Variants in AFDN observed in about 807,000 individuals in gnomAD.
AFDN encodes afadin.
AFDN carries 68 observed loss-of-function variants against 216.6 expected under a neutral mutation model. That is an observed-to-expected ratio of 0.31 (90% confidence interval 0.26 to 0.38). The LOEUF is 0.38. Among genes scored for constraint, AFDN ranks in the 10% least tolerant of loss-of-function variants. The probability of loss-of-function intolerance (pLI) is 1.00; values close to 1 mark genes in which losing one functional copy is unlikely to be tolerated. For synonymous variants in AFDN, 868 were observed against 853.7 expected (o/e 1.02, Z -0.29); for missense variants, 2,136 against 2,342.0 (o/e 0.91, Z 1.82).
chr6:167,876,393 G>A (rs1274323478), intron 5 of AFDN, among the ~76,000 whole-genome samples: 1 of 152,056 alleles, frequency 6.6e-6, no homozygotes, highest in African/African-American at 2.4e-5. Context: ...ATTTTGTCTT[G>A]TTCTGTCAAG....
At chr6:167,868,795 C>T (rs1784478222) in intron 2 of AFDN, among the ~76,000 whole-genome samples, 1 of 139,944 alleles carries the variant, frequency 7.1e-6, no homozygotes, top group Non-Finnish European at 1.5e-5. Context: ...CAGGGTCTCA[C>T]TTTGTCACCC....
chr6:167,867,422 T>C (rs1430900111), intron 2 of AFDN, among the ~76,000 whole-genome samples: 1 of 151,858 alleles, frequency 6.6e-6, no homozygotes, highest in African/African-American at 2.4e-5. Context: ...CTAATTCTTT[T>C]TTTTCTTTTC....
chr6:167,961,563 C>CTTAAA (rs1375837281), intron 30 of AFDN, among the ~76,000 whole-genome samples: 1 of 151,968 alleles, frequency 6.6e-6, no homozygotes, highest in Non-Finnish European at 1.5e-5. Flanking sequence ...GAAGGACATC[C>CTTAAA]TTAAGTATTT....
Position 167,898,332 on chromosome 6 carries a change from T to G in AFDN, c.1445T>G (p.Met482Arg). 1 of 1,614,164 alleles carries G rather than the reference T, an allele frequency of 6.2e-7. No individual in the cohort carries two copies. The highest frequency in any genetic ancestry group is 2.2e-5 in the East Asian group (1 of 44,874). ...VEGQRISETT[M>R]LQSGMKVQFG... Reference sequence around the variant, plus strand: ...GGCCAGCGCATCTCAGAAACCACCATGCTGCAGAGTGGCATGAAAGTGCAG... The same window carrying G: ...GGCCAGCGCATCTCAGAAACCACCAGGCTGCAGAGTGGCATGAAAGTGCAG... Residue 482 changes from methionine to arginine, a missense_variant, in exon 11 of 34, where the codon ATG becomes AGG. Met to Arg is a moderately conservative substitution (Grantham distance 91). This residue lies in a region of AFDN where 817 missense variants were observed against 965.7 expected (regional missense o/e 0.85). Transcript: ENST00000683244.
Position 167,917,122 on chromosome 6 carries a change from C to G in AFDN, c.2599C>G (p.Pro867Ala). 1 of 1,613,358 alleles carries G rather than the reference C, an allele frequency of 6.2e-7. No individual in the cohort carries two copies. The highest frequency in any genetic ancestry group is 8.5e-7 in the Non-Finnish European group (1 of 1,179,732). ...TTLLTMDKYA[P>A]DDIPNINSTC... ...TTTGCTTACCATGGATAAGTATGCA[C>G]CTGATGACATTCCAAATATAAACAG... Residue 867 changes from proline (P) to alanine (A), a missense_variant, in exon 20 of 34, where the codon CCT (proline) becomes GCT (alanine). Pro to Ala is a conservative substitution (Grantham distance 27, BLOSUM62 -1). Transcript: ENST00000683244.
At chr6:167,834,824 T>A (rs946284804) in intron 1 of AFDN, among the ~76,000 whole-genome samples, 8 of 151,146 alleles carry the variant, frequency 5.3e-5, no homozygotes, top group African/African-American at 1.7e-4. Flanking sequence ...TACCAAAATT[T>A]AAAAAAAAAT....
intron 1 of AFDN, among the ~76,000 whole-genome samples, chr6:167,828,512 T>C (rs1027454924): frequency 3.9e-5 from 6 of 152,236 alleles, no homozygotes; most frequent in African/African-American, 1.4e-4. Flanking sequence ...AATTTGAGCA[T>C]AGATGTTATG....
chr6:167,875,289 A>G (rs373761806), intron 4 of AFDN, 46 bp from the exon 5 acceptor site: 28 of 1,571,096 alleles, frequency 1.8e-5, no homozygotes, highest in Non-Finnish European at 2.3e-5. Flanking sequence ...TATTTCTAAT[A>G]AGAAAACAGT....
At chr6:167,943,909 T>TCTTTCTTA in intron 25 of AFDN, 32 bp from the exon 26 acceptor site, 1 of 1,587,970 alleles carries the variant, frequency 6.3e-7, no homozygotes, top group Non-Finnish European at 8.6e-7. Context: ...TGCGTTTTAG[T>TCTTTCTTA]CTTTCTTACA....
At chr6:167,897,826 C>T (rs1006324852) in intron 10 of AFDN, among the ~76,000 whole-genome samples, 9 of 151,546 alleles carry the variant, frequency 5.9e-5, no homozygotes, top group East Asian at 1.9e-4. Context: ...TTGTATTTTT[C>T]GTAGAGACGG....
At position 167,965,950 on chromosome 6, in the gene AFDN, A is replaced by T. The variant is rs1270215511; in HGVS notation, c.5162A>T (p.Tyr1721Phe). 5.8e-6 allele frequency: 9 copies of T among 1,547,296 alleles called. No individual in the cohort carries two copies. Among genetic ancestry groups the T allele is most frequent in the Non-Finnish European group, 6.1e-6 (7 of 1,146,030 alleles). Residue 1721 changes from tyrosine (Y) to phenylalanine (F), a missense_variant, in exon 32 of 34, where the codon TAC becomes TTC. Around this residue, in one of 8 missense-constraint regions of AFDN, gnomAD observed 981 missense variants for 966.0 expected, o/e 1.02. Transcript: ENST00000683244. ...PPPPPQRNASYLKTQVLSPDS... is the reference protein window; with the variant it reads ...PPPPPQRNASFLKTQVLSPDS... ...CCCCCGCCTCAGCGAAACGCCTCCT[A>T]CCTCAAAACACAGGTCCTCTCCCCC...
chr6:167,877,382 T>C (rs1286498456), intron 5 of AFDN, among the ~76,000 whole-genome samples: 1 of 152,140 alleles, frequency 6.6e-6, no homozygotes, highest in African/African-American at 2.4e-5. Context: ...TAGGAGACAG[T>C]GTATAGATGA....
chr6:167,950,070 C>T (rs1249153813), intron 29 of AFDN, among the ~76,000 whole-genome samples: 1 of 152,070 alleles, frequency 6.6e-6, no homozygotes, highest in Non-Finnish European at 1.5e-5. Context: ...TTTATGTGGT[C>T]CATAGATTTT....
In AFDN at chr6:167,970,981, T is replaced by A. The variant is rs1240252361; in HGVS notation, c.*1046T>A. 2.8e-5 allele frequency: 6 copies of A among 214,240 alleles called. No individual in the cohort carries two copies. The highest frequency in any genetic ancestry group is 1.8e-4 in the Admixed American group (3 of 17,062). 13.3% of individuals were successfully genotyped at this position (214,240 alleles called of 1,614,324 possible). On this transcript the variant is annotated 3_prime_UTR_variant, in exon 34 of 34. Transcript: ENST00000683244. ...ATAACTCATATGGAAGTTCAAGCTA[T>A]TTTTATACTATAATAGAGTTATTTA...
At chr6:167,843,216 A>G (rs1781271190) in intron 1 of AFDN, among the ~76,000 whole-genome samples, 1 of 152,152 alleles carries the variant, frequency 6.6e-6, no homozygotes, top group African/African-American at 2.4e-5. Flanking sequence ...TTCTATACTC[A>G]AATGTTACAT....
At chr6:167,834,324 C>T (rs184584150) in intron 1 of AFDN, among the ~76,000 whole-genome samples, 3 of 152,144 alleles carry the variant, frequency 2.0e-5, no homozygotes, top group African/African-American at 4.8e-5. Context: ...CATAAGTGCT[C>T]GCACTTAGGA....
chr6:167,841,927 T>C (rs1047297118), intron 1 of AFDN, among the ~76,000 whole-genome samples: 1 of 152,132 alleles, frequency 6.6e-6, no homozygotes, highest in African/African-American at 2.4e-5. Context: ...CTGTCCTTTC[T>C]TCTTACCTCC....
At chr6:167,894,471 A>G (rs919713155) in intron 9 of AFDN, among the ~76,000 whole-genome samples, 12 of 152,172 alleles carry the variant, frequency 7.9e-5, no homozygotes, top group Non-Finnish European at 1.6e-4. Flanking sequence ...CAACGGTTTT[A>G]TATGTTACTC....
At chr6:167,878,343 T>G (rs1195418531) in intron 5 of AFDN, among the ~76,000 whole-genome samples, 1 of 152,166 alleles carries the variant, frequency 6.6e-6, no homozygotes, top group Non-Finnish European at 1.5e-5. Flanking sequence ...ATCTTTTTTT[T>G]TGTGAATTAC....
Sources: allele counts gnomAD v4.1 joint callset (sites outside exome capture counted in the v4.1 genomes callset), GRCh38; gene constraint gnomAD v4.1.1; regional missense constraint gnomAD v4.1.1; transcripts MANE v1.5; gene names NCBI Gene and HGNC (gene_info 2026-07-23, HGNC 2026-07-21).